TOM1L1: variants seen among roughly 807,000 people sequenced by gnomAD.
The protein encoded by TOM1L1 is target of myb1 like 1 membrane trafficking protein.
A neutral mutation model predicts 63.4 loss-of-function variants in TOM1L1; 64 were observed. That is an observed-to-expected ratio of 1.01 (90% confidence interval 0.83 to 1.24). TOM1L1 has a LOEUF of 1.24. Among genes scored for constraint, TOM1L1 ranks in the 50% most tolerant of loss-of-function variants. The probability of loss-of-function intolerance (pLI) is 0.00; values close to 1 mark genes in which losing one functional copy is unlikely to be tolerated. For synonymous variants in TOM1L1, 166 were observed against 194.4 expected, an observed-to-expected ratio of 0.85 and a Z score of 1.22; for missense variants, 536 against 567.0, an observed-to-expected ratio of 0.95 and a Z score of 0.55.
intron 14 of TOM1L1, chr17:54,956,622 C>T (rs2144048429): frequency 6.6e-6 from 1 of 151,734 alleles, no homozygotes; most frequent in Middle Eastern, 3.4e-3. Flanking sequence ...TAATTTTTTT[C>T]TTTTTTATAG....
At chr17:54,934,664 C>T (rs1047013135) in intron 8 of TOM1L1, among the ~76,000 whole-genome samples, 3 of 152,074 alleles carry the variant, frequency 2.0e-5, no homozygotes, top group African/African-American at 7.2e-5. Flanking sequence ...TGTTCATACC[C>T]AGCACATAAC....
At chr17:54,955,605 C>G (rs935467259) in intron 14 of TOM1L1, among the ~76,000 whole-genome samples, 6 of 152,128 alleles carry the variant, frequency 3.9e-5, no homozygotes, top group Non-Finnish European at 8.8e-5. Flanking sequence ...ACAGTTATAC[C>G]ACGTAGGGAA....
At chr17:54,961,208 C>T (rs1040262384) in intron 15 of TOM1L1, 27 bp from the exon 16 acceptor site, 10 of 1,397,462 alleles carry the variant, frequency 7.2e-6, no homozygotes, top group East Asian at 2.5e-5. Flanking sequence ...AGGATGAATA[C>T]TGGCCATTTT....
At chr17:54,955,405 GT>G (rs1317096573) in intron 14 of TOM1L1, among the ~76,000 whole-genome samples, 10 of 152,234 alleles carry the variant, frequency 6.6e-5, no homozygotes, top group African/African-American at 2.2e-4. Flanking sequence ...CTGCATTCTG[GT>G]TCCAGGGATC....
In TOM1L1 at chr17:54,912,700, G is replaced by C; in HGVS notation, c.257G>C (p.Ser86Thr). The change falls in exon 4 of 16, where the codon AGT becomes ACT. Residue 86 changes from serine (S) to threonine (T), a missense_variant. Physicochemically the swap from Ser to Thr is moderately conservative, Grantham distance 58. Transcript: ENST00000575882. The part of the protein sequence containing the change: ...IDMCVQNCGP[S>T]FQSLIVKKEF... ...ATGTGTGTGCAGAACTGTGGTCCAA[G>C]TTTCCAGTCTCTGATTGTGAAGAAG... The C allele has an allele frequency of 6.2e-7, 1 of 1,606,672 alleles. No homozygotes were observed. The highest frequency in any genetic ancestry group is 8.5e-7 in the Non-Finnish European group (1 of 1,177,738).
chr17:54,901,871 C>T (rs983385913), intron 1 of TOM1L1, among the ~76,000 whole-genome samples: 1 of 152,020 alleles, frequency 6.6e-6, no homozygotes, highest in Non-Finnish European at 1.5e-5. Flanking sequence ...GAGTAGCTAC[C>T]ATTGAGGAGA....
At chr17:54,923,999 TAAATA>T (rs1184820395) in intron 7 of TOM1L1, among the ~76,000 whole-genome samples, 1 of 151,926 alleles carries the variant, frequency 6.6e-6, no homozygotes, top group African/African-American at 2.4e-5. Flanking sequence ...TAAAATAAAA[TAAATA>T]AAATAAAATG....
At position 54,900,935 on chromosome 17, in the gene TOM1L1, C is replaced by T. The variant is rs1401822084; in HGVS notation, c.58+12C>T. On this transcript the variant is annotated intron_variant, in intron 1 of 15. Coordinates refer to ENST00000575882, the MANE Select transcript of TOM1L1 (RefSeq NM_005486.3). ...GGGCCACCTCATAGGTAAGGAGGCGCGGGGAGAGACGCCCAGGCAGGCAGG... is the reference window on the plus strand; with the variant it reads ...GGGCCACCTCATAGGTAAGGAGGCGTGGGGAGAGACGCCCAGGCAGGCAGG... 2 of 1,613,666 alleles carry T rather than the reference C, an allele frequency of 1.2e-6. No individual in the cohort carries two copies. The highest frequency in any genetic ancestry group is 2.2e-5 in the East Asian group (1 of 44,876).
chr17:54,930,615 A>G (rs770511611), intron 8 of TOM1L1, among the ~76,000 whole-genome samples: 9 of 152,104 alleles, frequency 5.9e-5, no homozygotes, highest in Non-Finnish European at 8.8e-5. Context: ...CAAGGTGGGC[A>G]GATCATTTGA....
chr17:54,913,998 T>A, intron 5 of TOM1L1, 125 bp downstream of exon 5: 1 of 1,110,336 alleles, frequency 9.0e-7, no homozygotes, highest in Non-Finnish European at 1.2e-6. Flanking sequence ...AGAAGGATAT[T>A]GCAATATCTC....
At chr17:54,943,946 C>G (rs1043662266) in intron 11 of TOM1L1, among the ~76,000 whole-genome samples, 1 of 151,422 alleles carries the variant, frequency 6.6e-6, no homozygotes, top group African/African-American at 2.4e-5. Context: ...CCACTGCACT[C>G]CAGCCTGAGT....
At position 54,931,214 on chromosome 17, in the gene TOM1L1, G is replaced by A. The variant is rs2048852804; in HGVS notation, c.854+1008G>A. ...AACAGGCCTGGATTCAAATCTAGCT[G>A]ATGATTTTGGATAAGTTGCATAACT... On this transcript the variant is annotated intron_variant, in intron 8 of 15. Transcript: ENST00000575882. Among the ~76,000 whole-genome samples the A allele has an allele frequency of 1.3e-5, 2 of 152,110 alleles. 1 individual carries two copies. Among genetic ancestry groups the A allele is most frequent in the South Asian group, 4.1e-4 (2 of 4,824 alleles).
At chr17:54,933,993 C>T (rs1186564163) in intron 8 of TOM1L1, among the ~76,000 whole-genome samples, 1 of 152,180 alleles carries the variant, frequency 6.6e-6, no homozygotes, top group Non-Finnish European at 1.5e-5. Flanking sequence ...CTTTGATCAG[C>T]CTTTCACGGA....
At chr17:54,906,597 A>G (rs561733315) in intron 3 of TOM1L1, among the ~76,000 whole-genome samples, 1 of 152,320 alleles carries the variant, frequency 6.6e-6, no homozygotes, top group South Asian at 2.1e-4. Flanking sequence ...GCTTTGTGGA[A>G]TCCTGAGATG....
chr17:54,935,410 C>T (rs1003954970), intron 8 of TOM1L1, among the ~76,000 whole-genome samples: 2 of 152,086 alleles, frequency 1.3e-5, no homozygotes, highest in South Asian at 2.1e-4. Context: ...TGGATGTATA[C>T]CTGCAGGCTT....
At position 54,912,758 on chromosome 17, in the gene TOM1L1, G is replaced by A; in HGVS notation, c.315G>A (p.Leu105=). The change falls in exon 4 of 16, where the codon CTG becomes CTA. Residue 105 remains leucine, a synonymous_variant. Coordinates refer to ENST00000575882, the MANE Select transcript of TOM1L1 (RefSeq NM_005486.3). ...EFVKENLVKL[L]NPRYNLPLDI... is the part of the protein sequence containing the mutation. Reference sequence around the variant, plus strand: ...TTAAAGAGAATTTAGTTAAGCTACTGAATCCCAGATACAACTTGCCATTAG... The same window carrying A: ...TTAAAGAGAATTTAGTTAAGCTACTAAATCCCAGATACAACTTGCCATTAG... 1 of 1,611,316 alleles carries A rather than the reference G, an allele frequency of 6.2e-7. No homozygotes were observed. The highest frequency in any genetic ancestry group is 8.5e-7 in the Non-Finnish European group (1 of 1,179,176).
chr17:54,941,582 G>A (rs2049033246), intron 11 of TOM1L1, among the ~76,000 whole-genome samples: 1 of 152,172 alleles, frequency 6.6e-6, no homozygotes, highest in Admixed American at 6.5e-5. Flanking sequence ...GTGTTATCTT[G>A]CTAATCTTGT....
At chr17:54,930,052 T>G (rs755019548) in intron 7 of TOM1L1, 21 bp from the exon 8 acceptor site, 3 of 1,613,720 alleles carry the variant, frequency 1.9e-6, no homozygotes, top group African/African-American at 1.3e-5. Flanking sequence ...GAAGAAGAAA[T>G]CTCTCTCCTT....
chr17:54,904,828 A>G (rs2048384600), intron 2 of TOM1L1, among the ~76,000 whole-genome samples: 1 of 152,258 alleles, frequency 6.6e-6, no homozygotes. Context: ...TTGATAAAGA[A>G]AACATCAAAC....
Sources: allele counts gnomAD v4.1 joint callset (sites outside exome capture counted in the v4.1 genomes callset), GRCh38; gene constraint gnomAD v4.1.1; transcripts MANE v1.5; gene names NCBI Gene and HGNC (gene_info 2026-07-23, HGNC 2026-07-21).